Variants in SUPT20H observed in about 807,000 individuals in gnomAD.
SUPT20H encodes the protein SPT20 homolog, SAGA complex component.
A neutral mutation model predicts 122.8 loss-of-function variants in SUPT20H; 82 were observed. The observed-to-expected ratio is 0.67, with a 90% confidence interval of 0.56 to 0.80. The LOEUF is 0.80. Ranked by LOEUF, SUPT20H falls within the 30% of genes least tolerant of loss-of-function variation. The pLI, the probability that SUPT20H is intolerant of heterozygous loss-of-function variation, is 0.00. For synonymous variants in SUPT20H, 291 were observed against 313.0 expected (o/e 0.93, Z 0.74); for missense variants, 831 against 921.6 (o/e 0.90, Z 1.27).
chr13:37,056,865 GCCTGTGA>G (rs2069184120), intron 1 of SUPT20H: 1 of 152,120 alleles, frequency 6.6e-6, no homozygotes, highest in African/African-American at 2.4e-5. Context: ...ACTGTGGGAT[GCCTGTGA>G]CCCACCTGCT....
At chr13:37,016,742 C>T (rs2060576841) in intron 23 of SUPT20H, among the ~76,000 whole-genome samples, 1 of 152,038 alleles carries the variant, frequency 6.6e-6, no homozygotes, top group Non-Finnish European at 1.5e-5. Context: ...CTCCAGTGTA[C>T]CCAAAGTTTA....
intron 5 of SUPT20H, among the ~76,000 whole-genome samples, 175 bp from the exon 6 acceptor site, chr13:37,045,548 G>A (rs1335522186): frequency 6.6e-6 from 1 of 152,112 alleles, no homozygotes. Flanking sequence ...GGACAGCTAT[G>A]TAAACTTAAT....
intron 2 of SUPT20H, 95 bp downstream of exon 2, chr13:37,051,393 G>C (rs2067652066): frequency 7.6e-7 from 1 of 1,308,908 alleles, no homozygotes; most frequent in South Asian, 1.3e-5. Flanking sequence ...CAGCTTACAA[G>C]AGTATTTCTA....
Position 37,037,117 on chromosome 13 carries a change from A to AGCCTAGGAGGCAGAGATT in SUPT20H, c.567+3270_567+3287dup, listed in dbSNP as rs2064593833. 1.3e-5 allele frequency among the ~76,000 whole-genome samples: 2 copies of AGCCTAGGAGGCAGAGATT among 150,692 alleles called. 1 individual carries two copies. The highest frequency in any genetic ancestry group is 4.9e-5 in the African/African-American group (2 of 40,986). On this transcript the variant is annotated intron_variant, in intron 9 of 25. Transcript: ENST00000350612. The stretch of plus-strand genomic sequence containing the variant: ...GAGGCCGAGGTGGGAGGATCACTTG[A>AGCCTAGGAGGCAGAGATT]GCCTAGGAGGCAGAGATTGCAGTGA...
At position 37,045,248 on chromosome 13, in the gene SUPT20H, T is replaced by C; in HGVS notation, c.291A>G (p.Ser97=). The change falls in exon 6 of 26, where the codon TCA becomes TCG. Residue 97 remains serine (S), a splice_region_variant and synonymous_variant. Transcript: ENST00000350612. ...CAGCTGTGCTCTAGAGGGTCTTACC[T>C]GATCCGTTTTTTCCCCTGAGCATCA... ...YSLMLRGKNG[S]DSETIRLPYE... is the part of the protein sequence containing the mutation. The C allele has an allele frequency of 6.2e-7, 1 of 1,613,596 alleles. No homozygotes were observed. The highest frequency in any genetic ancestry group is 8.5e-7 in the Non-Finnish European group (1 of 1,179,672).
At chr13:37,014,724 T>C (rs548651349) in intron 23 of SUPT20H, among the ~76,000 whole-genome samples, 1 of 152,292 alleles carries the variant, frequency 6.6e-6, no homozygotes, top group East Asian at 1.9e-4. Flanking sequence ...TGTGTAACAT[T>C]AATTGTTTAT....
At chr13:37,055,601 T>C (rs1036200634) in intron 1 of SUPT20H, among the ~76,000 whole-genome samples, 11 of 152,192 alleles carry the variant, frequency 7.2e-5, no homozygotes, top group Non-Finnish European at 1.6e-4. Context: ...CCTTAGCCCT[T>C]ACACAAAAAT....
At chr13:37,040,134 T>C (rs1333597946) in intron 9 of SUPT20H, 3 of 311,830 alleles carry the variant, frequency 9.6e-6, no homozygotes, top group Admixed American at 4.9e-5. Flanking sequence ...AACATTTTTC[T>C]TCTGTTTGAG....
rs1215049034 is a variant in SUPT20H at position 37,010,449 on chromosome 13, C to T, written c.2202+103G>A. 18 of 1,011,064 alleles carry T rather than the reference C, an allele frequency of 1.8e-5. No individual in the cohort carries two copies. In the South Asian group the frequency reaches 2.2e-4, roughly 12 times the overall value. 62.6% of individuals were successfully genotyped at this position (1,011,064 alleles called of 1,614,324 possible). On this transcript the variant is annotated intron_variant, in intron 25 of 25. Transcript: ENST00000350612. ...GCTAAATTATTTACCAATTACTGTA[C>T]AGTCTTAAAAGACAGTAAAATAAAA...
At position 37,021,997 on chromosome 13, in the gene SUPT20H, C is replaced by T. The variant is rs2139512928; in HGVS notation, c.1661+14G>A. The stretch of plus-strand genomic sequence containing the variant: ...CTTTATAAAAAAAAAATCCGAACAT[C>T]AATGCAAACTTACCAAACAGAGCCC... On this transcript the variant is annotated intron_variant, in intron 20 of 25. Transcript: ENST00000350612. 2 of 1,542,916 alleles carry T rather than the reference C, an allele frequency of 1.3e-6. No individual in the cohort carries two copies. The highest frequency in any genetic ancestry group is 1.7e-6 in the Non-Finnish European group (2 of 1,144,962).
intron 1 of SUPT20H, among the ~76,000 whole-genome samples, chr13:37,051,842 A>T (rs2067772462): frequency 6.6e-6 from 1 of 152,206 alleles, no homozygotes; most frequent in Admixed American, 6.5e-5. Context: ...TCTCAAAAAT[A>T]CTTAACATCT....
chr13:37,012,881 A>G (rs1325801293), intron 23 of SUPT20H: 1 of 147,652 alleles, frequency 6.8e-6, no homozygotes, highest in Non-Finnish European at 1.5e-5. Context: ...ACAATTACTC[A>G]AAAAAAAAGA....
rs1177979865 is a variant in SUPT20H, at chr13:37,044,993, G to A, written c.292+254C>T. Among the ~76,000 whole-genome samples, 7 of 150,916 alleles carry A rather than the reference G, an allele frequency of 4.6e-5. No homozygotes were observed. The East Asian group carries it at 1.4e-3, about 29-fold the overall frequency. On this transcript the variant is annotated intron_variant, in intron 6 of 25. Transcript: ENST00000350612. The stretch of plus-strand genomic sequence containing the variant: ...TTGGTTCTGAGATGCTTTTATAATT[G>A]GACTTGAAAGACATATCAATTAGAA...
At chr13:37,032,955 A>T (rs2063657201) in intron 10 of SUPT20H, among the ~76,000 whole-genome samples, 1 of 152,154 alleles carries the variant, frequency 6.6e-6, no homozygotes, top group Non-Finnish European at 1.5e-5. Flanking sequence ...TCCTTAAAGT[A>T]GGATTAACAA....
At chr13:37,037,053 T>C (rs1256676149) in intron 9 of SUPT20H, among the ~76,000 whole-genome samples, 1 of 151,924 alleles carries the variant, frequency 6.6e-6, no homozygotes, top group African/African-American at 2.4e-5. Flanking sequence ...AAAAATTAGC[T>C]GGGCATGGTG....
chr13:37,055,914 C>T (rs1271958094), intron 1 of SUPT20H, among the ~76,000 whole-genome samples: 2 of 152,116 alleles, frequency 1.3e-5, no homozygotes, highest in African/African-American at 4.8e-5. Flanking sequence ...CTCAAACAAA[C>T]TTCCAAGGAA....
chr13:37,044,231 A>T (rs577677580), intron 6 of SUPT20H, 50 bp from the exon 7 acceptor site: 3 of 1,455,020 alleles, frequency 2.1e-6, no homozygotes, highest in Middle Eastern at 1.8e-4. Flanking sequence ...CTGAAAGCTT[A>T]GCTGTATAAT....
intron 5 of SUPT20H, among the ~76,000 whole-genome samples, chr13:37,046,155 A>G (rs1406710861): frequency 2.6e-5 from 4 of 152,108 alleles, no homozygotes; most frequent in Admixed American, 6.6e-5. Flanking sequence ...CACATACAGA[A>G]AGAAGTGATA....
intron 2 of SUPT20H, 53 bp from the exon 3 acceptor site, chr13:37,048,652 T>A: frequency 6.8e-7 from 1 of 1,480,422 alleles, no homozygotes; most frequent in Non-Finnish European, 9.2e-7. Context: ...CACAAAAAAA[T>A]TTAATATACA....
Sources: allele counts gnomAD v4.1 joint callset (sites outside exome capture counted in the v4.1 genomes callset), GRCh38; gene constraint gnomAD v4.1.1; transcripts MANE v1.5; gene names NCBI Gene and HGNC (gene_info 2026-07-23, HGNC 2026-07-21).